The following FIGN variants were observed in gnomAD, a reference collection of about 807,000 sequenced individuals.
The protein encoded by FIGN is fidgetin, microtubule severing factor.
In FIGN, 11 loss-of-function variants were observed where a neutral mutation model predicts 51.3. The observed-to-expected ratio is 0.21, with a 90% CI of 0.13 to 0.35. The LOEUF is 0.35. FIGN is among the 10% of genes least tolerant of loss of function. The probability of loss-of-function intolerance (pLI) is 1.00; values close to 1 mark genes in which losing one functional copy is unlikely to be tolerated. For missense variants in FIGN, 857 were observed against 943.6 expected (o/e 0.91, Z 1.20); for synonymous variants, 407 against 363.2 (o/e 1.12, Z -1.37).
intron 2 of FIGN, among the ~76,000 whole-genome samples, chr2:163,703,055 A>G (rs1684434856): frequency 6.6e-6 from 1 of 150,464 alleles, no homozygotes; most frequent in Admixed American, 6.6e-5. Context: ...TGGTATTTGC[A>G]GAATTTAGCT....
rs547032277 is a variant in FIGN, at chr2:163,724,557, G to A, written c.25+10346C>T. Among the ~76,000 whole-genome samples, 3 of 152,062 alleles carry A rather than the reference G, an allele frequency of 2.0e-5. No individual in the cohort carries two copies. In the East Asian group the frequency reaches 5.8e-4, roughly 29 times the overall value. ...TTGTTTGGGGCTTTAGTTTGGTCAG[G>A]AAGTTATAGCAAGCATTTACTGAGT... On this transcript the variant is annotated intron_variant, in intron 2 of 2. Transcript: ENST00000333129.
chr2:163,731,323 T>C (rs1684925564), intron 2 of FIGN, among the ~76,000 whole-genome samples: 1 of 152,192 alleles, frequency 6.6e-6, no homozygotes, highest in Admixed American at 6.5e-5. Flanking sequence ...AGGTGGTTTA[T>C]ATCTTAAACT....
intron 2 of FIGN, among the ~76,000 whole-genome samples, chr2:163,700,486 T>A (rs1684391674): frequency 6.6e-6 from 1 of 151,942 alleles, no homozygotes; most frequent in Non-Finnish European, 1.5e-5. Context: ...CTCAGAAGGG[T>A]CTGGAAGCTC....
intron 2 of FIGN, among the ~76,000 whole-genome samples, chr2:163,675,870 T>C (rs1412239456): frequency 6.7e-6 from 1 of 150,038 alleles, no homozygotes; most frequent in African/African-American, 2.4e-5. Context: ...AATATTCACT[T>C]AAGGCTCCTT....
intron 2 of FIGN, among the ~76,000 whole-genome samples, chr2:163,692,302 G>A (rs1684250497): frequency 6.6e-6 from 1 of 152,126 alleles, no homozygotes; most frequent in African/African-American, 2.4e-5. Context: ...ACCAGTAGGA[G>A]GTGTTGGTCC....
chr2:163,657,085 T>C (rs1683570846), intron 2 of FIGN, among the ~76,000 whole-genome samples: 1 of 148,966 alleles, frequency 6.7e-6, no homozygotes. Flanking sequence ...CTCTGAAGAA[T>C]GTGACGTTAC....
chr2:163,704,437 T>C (rs1684461135), intron 2 of FIGN, among the ~76,000 whole-genome samples: 1 of 152,082 alleles, frequency 6.6e-6, no homozygotes, highest in African/African-American at 2.4e-5. Flanking sequence ...TGTGTGTGTG[T>C]GACATTAAGC....
rs541835666 is a variant in FIGN, at chr2:163,721,567, G to C, written c.25+13336C>G. Among the ~76,000 whole-genome samples the C allele has an allele frequency of 2.0e-5, 3 of 152,182 alleles. No individual in the cohort carries two copies. The South Asian group carries it at 6.2e-4, about 32-fold the overall frequency. ...ACTATTAGAGCTCTTTGCTGAAGAT[G>C]CAGTGTTTTTATACAATTAACTAAG... On this transcript the variant is annotated intron_variant, in intron 2 of 2. Coordinates refer to ENST00000333129, the MANE Select transcript of FIGN (RefSeq NM_018086.4).
At chr2:163,687,058 C>G (rs1384178125) in intron 2 of FIGN, among the ~76,000 whole-genome samples, 1 of 152,062 alleles carries the variant, frequency 6.6e-6, no homozygotes, top group African/African-American at 2.4e-5. Context: ...TACATGCTTC[C>G]AGAGACATCT....
intron 2 of FIGN, among the ~76,000 whole-genome samples, chr2:163,711,039 C>T (rs866195143): frequency 3.4e-4 from 52 of 152,054 alleles, no homozygotes; most frequent in Admixed American, 2.6e-3. Context: ...AGACACACAA[C>T]ATAAGAAAAA....
At position 163,735,947 on chromosome 2, in the gene FIGN, C is replaced by T. The variant is rs555116686; in HGVS notation, c.-255G>A. 4 of 152,778 alleles carry T rather than the reference C, an allele frequency of 2.6e-5. No individual in the cohort carries two copies. The South Asian group carries it at 8.3e-4, about 32-fold the overall frequency. 9.5% of individuals were successfully genotyped at this position (152,778 alleles called of 1,614,324 possible). A position where few individuals can be genotyped will look rare whatever the true frequency, so the allele number is the denominator to read the frequency against. On this transcript the variant is annotated 5_prime_UTR_variant, in exon 1 of 3. Coordinates refer to ENST00000333129, the MANE Select transcript of FIGN (RefSeq NM_018086.4). ...AAGGTGCCTATGATTTGAAATCATT[C>T]CAAGTTTTTGAAGGGAAGACGGACT... is the stretch of plus-strand genomic sequence containing the variant.
rs575686656 is a variant in FIGN at position 163,656,379 on chromosome 2, C to T, written c.26-44573G>A. Among the ~76,000 whole-genome samples, 14 of 152,142 alleles carry T rather than the reference C, an allele frequency of 9.2e-5. No homozygotes were observed. The South Asian group carries it at 2.1e-3, about 23-fold the overall frequency. ...AGAAATGAAACTTTTATGGTCATAACGAAACAGTGAGAAAAATAGGAAGGT... is the reference window on the plus strand; with the variant it reads ...AGAAATGAAACTTTTATGGTCATAATGAAACAGTGAGAAAAATAGGAAGGT... On this transcript the variant is annotated intron_variant, in intron 2 of 2. Transcript: ENST00000333129.
At chr2:163,714,104 C>T (rs993353981) in intron 2 of FIGN, among the ~76,000 whole-genome samples, 3 of 152,308 alleles carry the variant, frequency 2.0e-5, no homozygotes, top group South Asian at 4.1e-4. Context: ...TCTGATTACA[C>T]GGCTCCTTGT....
Position 163,660,834 on chromosome 2 carries a change from C to CATATATATACATATATATATGTATACAT in FIGN, c.26-49029_26-49028insATGTATACATATATATATGTATATATAT, listed in dbSNP as rs10646457. Among the ~76,000 whole-genome samples, 12 of 9,140 alleles carry CATATATATACATATATATATGTATACAT rather than the reference C, an allele frequency of 1.3e-3. 5 individuals carry two copies. Among genetic ancestry groups the CATATATATACATATATATATGTATACAT allele is most frequent in the African/African-American group, 3.4e-3 (12 of 3,490 alleles). The allele number at this position is 9,140 out of a possible 152,430, so 6.0% of individuals were successfully genotyped here. On this transcript the variant is annotated intron_variant, in intron 2 of 2. Transcript: ENST00000333129. ...ATATACATATACATATATATGTATA[C>CATATATATACATATATATATGTATACAT]ATATATACATATATATATGTATACA...
chr2:163,712,379 A>C (rs988792877), intron 2 of FIGN, among the ~76,000 whole-genome samples: 6 of 152,220 alleles, frequency 3.9e-5, no homozygotes, highest in Non-Finnish European at 8.8e-5. Context: ...AAAAACAAAA[A>C]AAGGACACAC....
intron 2 of FIGN, 105 bp from the exon 3 acceptor site, chr2:163,611,911 T>TTTCG: frequency 1.4e-6 from 1 of 698,204 alleles, no homozygotes; most frequent in South Asian, 2.4e-5. Context: ...CCATTAATGA[T>TTTCG]ATGCATACTT....
At position 163,700,074 on chromosome 2, in the gene FIGN, G is replaced by A. The variant is rs577740508; in HGVS notation, c.25+34829C>T. Among the ~76,000 whole-genome samples the A allele has an allele frequency of 1.1e-4, 17 of 152,126 alleles. No individual in the cohort carries two copies. The East Asian group carries it at 3.3e-3, about 29-fold the overall frequency. On this transcript the variant is annotated intron_variant, in intron 2 of 2. Transcript: ENST00000333129. ...GGAGGAGAAGGAAGGAGAAGAAGAA[G>A]AACCCCTCCTGAAACAGATTCTAAA...
intron 2 of FIGN, among the ~76,000 whole-genome samples, chr2:163,729,293 T>C (rs190053957): frequency 4.6e-5 from 7 of 152,182 alleles, no homozygotes; most frequent in African/African-American, 1.7e-4. Flanking sequence ...GCAGTTTCTG[T>C]TCTCATGCCA....
rs374814249 is a variant in FIGN, at chr2:163,717,361, G to A, written c.25+17542C>T. ...ACCAAAGTAATGCAAACAAATAAAT[G>A]TATATCCACCATCCTAGGGTCAGGG... On this transcript the variant is annotated intron_variant, in intron 2 of 2. Transcript: ENST00000333129. Among the ~76,000 whole-genome samples the A allele has an allele frequency of 4.7e-4, 71 of 152,216 alleles. 1 individual carries two copies. The South Asian group carries it at 0.014, about 30-fold the overall frequency.
Sources: allele counts gnomAD v4.1 joint callset (sites outside exome capture counted in the v4.1 genomes callset), GRCh38; gene constraint gnomAD v4.1.1; transcripts MANE v1.5; gene names NCBI Gene and HGNC (gene_info 2026-07-23, HGNC 2026-07-21).